Variants in LARGE1 observed in about 807,000 individuals in gnomAD.
LARGE1 encodes the protein LARGE xylosyl- and glucuronyltransferase 1, also known as xylosyl- and glucuronyltransferase LARGE1.
Under a neutral mutation model 87.6 loss-of-function variants are expected in LARGE1, and 43 were observed. The ratio of observed to expected loss-of-function variants is 0.49; its 90% CI spans 0.38 to 0.63. The LOEUF (loss-of-function observed/expected upper bound fraction) is 0.63, where lower values mean the gene tolerates loss of function less well. LARGE1 is among the 30% of genes least tolerant of loss of function. The pLI is 0.00. For synonymous variants in LARGE1, 434 were observed against 394.6 expected, an observed-to-expected ratio of 1.10 and a Z score of -1.18; for missense variants, 802 against 1,000.2, an observed-to-expected ratio of 0.80 and a Z score of 2.67.
At chr22:33,271,109 T>C (rs1015684009), downstream of LARGE1, among the ~76,000 whole-genome samples, 1 of 152,238 alleles carries the variant, frequency 6.6e-6, no homozygotes, top group African/African-American at 2.4e-5. Context: ...AGATTTGGCA[T>C]ATTTTAGGAG....
At chr22:33,087,348 T>C in the LARGE1 span, among the ~76,000 whole-genome samples, 8 of 152,118 alleles carry the variant, frequency 5.3e-5, no homozygotes, top group South Asian at 2.1e-4. Flanking sequence ...ACCACAGTAA[T>C]TGGAGTTGTT....
intron 6 of LARGE1, among the ~76,000 whole-genome samples, chr22:33,520,039 CT>C (rs2071503433): frequency 7.8e-6 from 1 of 128,274 alleles, no homozygotes; most frequent in South Asian, 2.6e-4. Flanking sequence ...GGGTCTCACT[CT>C]GTCACCCAGG....
In LARGE1 at chr22:33,273,011, C is replaced by T. The variant is rs1291006070; in HGVS notation, c.*1416G>A. 1 of 167,314 alleles carries T rather than the reference C, an allele frequency of 6.0e-6. No individual in the cohort carries two copies. Among genetic ancestry groups the T allele is most frequent in the Non-Finnish European group, 1.3e-5 (1 of 78,358 alleles). 10.4% of individuals were successfully genotyped at this position (167,314 alleles called of 1,614,324 possible). A position where few individuals can be genotyped will look rare whatever the true frequency, so the allele number is the denominator to read the frequency against. ...AGAAAGTGTGAAGTTGCTGTTTATCCACTGCAATTTAGCTCTCTATGTCAA... is the reference window on the plus strand; with the variant it reads ...AGAAAGTGTGAAGTTGCTGTTTATCTACTGCAATTTAGCTCTCTATGTCAA... On this transcript the variant is annotated 3_prime_UTR_variant, in exon 15 of 15. Transcript: ENST00000397394.
At chr22:33,708,664 T>C (rs113167978) in intron 2 of LARGE1, among the ~76,000 whole-genome samples, 1 of 152,104 alleles carries the variant, frequency 6.6e-6, no homozygotes, top group African/African-American at 2.4e-5. Flanking sequence ...ACAGTGGTGC[T>C]ATCTCGGCTC....
chr22:33,249,071 C>T (rs985853026), intron 11 of LARGE1, among the ~76,000 whole-genome samples: 1 of 152,154 alleles, frequency 6.6e-6, no homozygotes. Context: ...TGGGTAAATA[C>T]CAAGGAGTGT....
intron 4 of LARGE1, among the ~76,000 whole-genome samples, chr22:33,620,185 A>G (rs1311193594): frequency 6.6e-6 from 1 of 152,224 alleles, no homozygotes; most frequent in African/African-American, 2.4e-5. Flanking sequence ...AACAAAACCA[A>G]AAACAACTAC....
intron 2 of LARGE1, among the ~76,000 whole-genome samples, chr22:33,673,830 CG>C (rs2081487609): frequency 1.6e-4 from 12 of 73,828 alleles, no homozygotes; most frequent in Non-Finnish European, 3.3e-4. Context: ...CTGGGTTACA[CG>C]ACCACGCCCA....
chr22:33,179,836 G>A (rs145238185), intron 11 of LARGE1, among the ~76,000 whole-genome samples: 47 of 151,630 alleles, frequency 3.1e-4, no homozygotes, highest in African/African-American at 1.0e-3. Context: ...CCCCTGCTAC[G>A]GTTTGAATGA....
At chr22:33,807,569 GATAA>G (rs1294660808) in intron 1 of LARGE1, among the ~76,000 whole-genome samples, 1 of 152,030 alleles carries the variant, frequency 6.6e-6, no homozygotes, top group African/African-American at 2.4e-5. Context: ...GTTCATTTTT[GATAA>G]ATATCTTATT....
intron 2 of LARGE1, among the ~76,000 whole-genome samples, chr22:33,681,713 G>A (rs542421456): frequency 1.4e-4 from 21 of 152,244 alleles, no homozygotes; most frequent in South Asian, 6.2e-4. Context: ...TCAATGCTAC[G>A]TCTCAAATGC....
chr22:33,517,366 G>A (rs906564437), intron 6 of LARGE1, among the ~76,000 whole-genome samples: 1 of 152,204 alleles, frequency 6.6e-6, no homozygotes, highest in Non-Finnish European at 1.5e-5. Flanking sequence ...TGAACTCGGT[G>A]GAGTAGAGCT....
At chr22:33,773,716 C>T (rs2085142762) in intron 1 of LARGE1, among the ~76,000 whole-genome samples, 1 of 152,228 alleles carries the variant, frequency 6.6e-6, no homozygotes, top group African/African-American at 2.4e-5. Flanking sequence ...AGGAGCCTGG[C>T]AACTGATTTG....
intron 9 of LARGE1, among the ~76,000 whole-genome samples, chr22:33,358,149 A>G (rs981460639): frequency 6.6e-6 from 1 of 152,228 alleles, no homozygotes; most frequent in African/African-American, 2.4e-5. Flanking sequence ...TACTGGTCAC[A>G]GCAGTGCACA....
intron 9 of LARGE1, among the ~76,000 whole-genome samples, chr22:33,349,831 T>G (rs527236790): frequency 2.6e-4 from 40 of 152,228 alleles, no homozygotes; most frequent in African/African-American, 8.4e-4. Context: ...TGCCTTTTGG[T>G]TTTTAGGAGT....
intron 5 of LARGE1, 44 bp downstream of exon 5, chr22:33,604,391 C>A: frequency 1.9e-6 from 3 of 1,613,374 alleles, no homozygotes; most frequent in South Asian, 2.2e-5. Flanking sequence ...AATAACGCTT[C>A]CAGCTAGAGG....
Position 33,363,783 on chromosome 22 carries a change from C to T in LARGE1, c.1131+18136G>A, listed in dbSNP as rs752139545. ...GAGCCATGACGAAGTAAAATTAGGGCGACTTGAACACAAGCATTGCGATCC... is the reference window on the plus strand; with the variant it reads ...GAGCCATGACGAAGTAAAATTAGGGTGACTTGAACACAAGCATTGCGATCC... On this transcript the variant is annotated intron_variant, in intron 9 of 14. Transcript: ENST00000397394. Among the ~76,000 whole-genome samples, 10 of 149,834 alleles carry T rather than the reference C, an allele frequency of 6.7e-5. 1 individual carries two copies. The highest frequency in any genetic ancestry group is 2.6e-4 in the Admixed American group (4 of 15,136).
intron 1 of LARGE1, among the ~76,000 whole-genome samples, chr22:33,781,886 G>A (rs1447009856): frequency 6.6e-6 from 1 of 152,150 alleles, no homozygotes; most frequent in Non-Finnish European, 1.5e-5. Context: ...ACAGAAAGCA[G>A]CAAGAGACTG....
At chr22:33,785,069 ATG>A (rs1202405866) in intron 1 of LARGE1, among the ~76,000 whole-genome samples, 1 of 137,300 alleles carries the variant, frequency 7.3e-6, no homozygotes, top group Non-Finnish European at 1.6e-5. Context: ...ATATAGATAT[ATG>A]TGTATACATA....
chr22:33,629,374 T>A (rs2080031053), intron 3 of LARGE1, among the ~76,000 whole-genome samples: 1 of 152,172 alleles, frequency 6.6e-6, no homozygotes, highest in Non-Finnish European at 1.5e-5. Context: ...CTTTTTAAAA[T>A]GGGCCCATTA....
Sources: gnomAD v4.1 joint callset for allele counts (sites outside exome capture counted in the v4.1 genomes callset) on GRCh38, gnomAD v4.1.1 for gene constraint, MANE v1.5 for transcripts, NCBI Gene and HGNC (gene_info 2026-07-23, HGNC 2026-07-21) for gene names.